The following DPP6 variants were observed in gnomAD, a reference collection of about 807,000 sequenced individuals.
DPP6 encodes dipeptidyl peptidase like 6, also known as A-type potassium channel modulatory protein DPP6.
DPP6 carries 69 observed loss-of-function variants against 122.6 expected under a neutral mutation model. That is an observed-to-expected ratio of 0.56 (90% CI 0.46 to 0.69). The LOEUF (loss-of-function observed/expected upper bound fraction) is 0.69. DPP6 is among the 30% of genes least tolerant of loss of function. The pLI is 0.00. For synonymous variants in DPP6, 418 were observed against 433.1 expected (o/e 0.97, Z 0.43); for missense variants, 928 against 1,116.9 (o/e 0.83, Z 2.41).
In DPP6 at chr7:154,807,077, G is replaced by A; in HGVS notation, c.1631G>A (p.Ser544Asn). Residue 544 changes from serine to asparagine, a missense_variant, in exon 16 of 26, where the codon AGC becomes AAC. Physicochemically the swap from Ser to Asn is conservative, Grantham distance 46. Coordinates refer to ENST00000377770, the MANE Select transcript of DPP6 (RefSeq NM_130797.4). ...TGCACCTACTTCAGCGCTTCCTTCA[G>A]CCATAGCATGGACTTCTTCCTGCTC... ...ENCTYFSASFSHSMDFFLLKC... is the reference protein window; with the variant it reads ...ENCTYFSASFNHSMDFFLLKC... 1 of 1,613,668 alleles carries A rather than the reference G, an allele frequency of 6.2e-7. No individual in the cohort carries two copies. The highest frequency in any genetic ancestry group is 1.1e-5 in the South Asian group (1 of 91,072).
chr7:154,160,434 T>C (rs1796921373), intron 1 of DPP6, among the ~76,000 whole-genome samples: 1 of 152,178 alleles, frequency 6.6e-6, no homozygotes, highest in Non-Finnish European at 1.5e-5. Flanking sequence ...TAAATTATTT[T>C]CCCCTAACAA....
chr7:153,807,086 G>C, the DPP6 span, among the ~76,000 whole-genome samples: 5 of 151,810 alleles, frequency 3.3e-5, no homozygotes, highest in African/African-American at 1.2e-4. Flanking sequence ...TTAGAAAACT[G>C]AAAATTCTGT....
chr7:154,559,325 A>T (rs1314331474), intron 4 of DPP6, among the ~76,000 whole-genome samples: 1 of 151,580 alleles, frequency 6.6e-6, no homozygotes, highest in African/African-American at 2.4e-5. Flanking sequence ...AACTATTTAA[A>T]ACCAAGAACA....
At chr7:154,874,395 AC>A (rs1037128816) in intron 19 of DPP6, among the ~76,000 whole-genome samples, 1 of 151,746 alleles carries the variant, frequency 6.6e-6, no homozygotes, top group African/African-American at 2.4e-5. Flanking sequence ...AGGCAACCCC[AC>A]CCCCTGGGTG....
intron 3 of DPP6, among the ~76,000 whole-genome samples, chr7:154,503,717 A>AT (rs1244198388): frequency 6.6e-6 from 1 of 152,156 alleles, no homozygotes; most frequent in African/African-American, 2.4e-5. Flanking sequence ...CAGATGTTTG[A>AT]TTTTTTGGGG....
At chr7:154,308,286 A>G (rs1436060774) in intron 1 of DPP6, among the ~76,000 whole-genome samples, 2 of 147,516 alleles carry the variant, frequency 1.4e-5, no homozygotes, top group Non-Finnish European at 3.0e-5. Flanking sequence ...TTAGTTAGAG[A>G]TTGTTGTTTT....
chr7:154,750,288 T>C (rs1037755293), intron 8 of DPP6, among the ~76,000 whole-genome samples: 1 of 152,130 alleles, frequency 6.6e-6, no homozygotes, highest in Non-Finnish European at 1.5e-5. Context: ...TCGCAGCCTA[T>C]TGAAGTGTAG....
chr7:154,320,504 G>C (rs1807853334), intron 1 of DPP6, among the ~76,000 whole-genome samples: 1 of 151,626 alleles, frequency 6.6e-6, no homozygotes, highest in African/African-American at 2.4e-5. Flanking sequence ...TTTTTCTTGA[G>C]ACAGAATTTT....
chr7:154,381,902 G>A (rs990724273), intron 1 of DPP6, among the ~76,000 whole-genome samples: 2 of 152,094 alleles, frequency 1.3e-5, no homozygotes, highest in Admixed American at 1.3e-4. Flanking sequence ...TGTCATTGGT[G>A]TCCGAGCTTC....
chr7:153,794,551 G>T, the DPP6 span, among the ~76,000 whole-genome samples: 1 of 152,096 alleles, frequency 6.6e-6, no homozygotes, highest in African/African-American at 2.4e-5. Flanking sequence ...GACTTGTCTT[G>T]TCTCAGATGA....
At chr7:154,327,002 G>A (rs147679435) in intron 1 of DPP6, among the ~76,000 whole-genome samples, 146 of 152,274 alleles carry the variant, frequency 9.6e-4, no homozygotes, top group Middle Eastern at 3.4e-3. Flanking sequence ...TCCTGTCTCC[G>A]GGGAGGTCAC....
At chr7:154,384,848 G>T (rs1172128088) in intron 1 of DPP6, among the ~76,000 whole-genome samples, 3 of 151,474 alleles carry the variant, frequency 2.0e-5, no homozygotes, top group Non-Finnish European at 4.4e-5. Flanking sequence ...TTAAATTAGG[G>T]TACATATAGA....
the DPP6 span, among the ~76,000 whole-genome samples, chr7:153,848,747 GT>G: frequency 2.0e-5 from 3 of 152,098 alleles, no homozygotes; most frequent in Admixed American, 1.3e-4. Flanking sequence ...CTTAAGCTGT[GT>G]TTTATGTGTT....
chr7:154,437,516 A>G (rs1328948383), intron 1 of DPP6, among the ~76,000 whole-genome samples: 1 of 152,218 alleles, frequency 6.6e-6, no homozygotes, highest in Non-Finnish European at 1.5e-5. Context: ...GATTCTTGAA[A>G]ATCTGTTAAG....
intron 16 of DPP6, among the ~76,000 whole-genome samples, chr7:154,822,209 C>T (rs1799838655): frequency 6.6e-6 from 1 of 152,220 alleles, no homozygotes; most frequent in Non-Finnish European, 1.5e-5. Context: ...TTATAGTAGA[C>T]TGTCTTCATC....
At chr7:154,475,129 T>A in intron 3 of DPP6, 92 bp downstream of exon 3, 2 of 965,330 alleles carry the variant, frequency 2.1e-6, no homozygotes, top group Non-Finnish European at 3.4e-6. Flanking sequence ...CCTCTCGGAT[T>A]TCCCCCTTTG....
chr7:153,911,848 T>A (rs1470406214), intron 1 of DPP6, among the ~76,000 whole-genome samples: 1 of 136,048 alleles, frequency 7.4e-6, no homozygotes, highest in Non-Finnish European at 1.7e-5. Flanking sequence ...CATCTTTTTC[T>A]TTTTGCGGAA....
At chr7:154,238,486 G>A (rs768828249) in intron 1 of DPP6, among the ~76,000 whole-genome samples, 4 of 152,066 alleles carry the variant, frequency 2.6e-5, no homozygotes, top group Admixed American at 1.3e-4. Flanking sequence ...AGTCAGAGTC[G>A]GATTAGACTG....
At chr7:153,788,202 T>C in the DPP6 span, among the ~76,000 whole-genome samples, 2 of 152,242 alleles carry the variant, frequency 1.3e-5, no homozygotes, top group African/African-American at 4.8e-5. Flanking sequence ...GATTTCTTTC[T>C]ACATTTTGGG....
Sources: allele counts gnomAD v4.1 joint callset (sites outside exome capture counted in the v4.1 genomes callset), GRCh38; gene constraint gnomAD v4.1.1; transcripts MANE v1.5; gene names NCBI Gene and HGNC (gene_info 2026-07-23, HGNC 2026-07-21).